Variants in FANCM observed in about 807,000 individuals in gnomAD.
The protein encoded by FANCM is Fanconi anemia group M protein.
In FANCM, 140 loss-of-function variants were observed where a neutral mutation model predicts 199.5. The ratio of observed to expected loss-of-function variants is 0.70; its 90% CI spans 0.61 to 0.81. The LOEUF is 0.81. FANCM is among the 30% of genes least tolerant of loss of function. The pLI is 0.00. For synonymous variants in FANCM, 840 were observed against 836.8 expected (o/e 1.00, Z -0.07); for missense variants, 2,410 against 2,421.4 (o/e 1.00, Z 0.10).
intron 6 of FANCM, 109 bp from the exon 7 acceptor site, chr14:45,154,588 C>CATGAA: frequency 2.6e-6 from 2 of 770,920 alleles, no homozygotes; most frequent in East Asian, 5.8e-5. Context: ...TTCATGTTTA[C>CATGAA]ACTTGAAAAA....
At chr14:45,141,305 A>AAAAG (rs1373585473) in intron 3 of FANCM, among the ~76,000 whole-genome samples, 2 of 150,980 alleles carry the variant, frequency 1.3e-5, no homozygotes, top group Non-Finnish European at 3.0e-5. Flanking sequence ...AAAAAAAAAA[A>AAAAG]AAAGAAAGCA....
Position 45,187,817 on chromosome 14 carries a change from G to C in FANCM, c.4709G>C (p.Arg1570Pro). 2 of 1,582,114 alleles carry C rather than the reference G, an allele frequency of 1.3e-6. No individual in the cohort carries two copies. Among genetic ancestry groups the C allele is most frequent in the South Asian group, 1.1e-5 (1 of 90,272 alleles). The change falls in exon 19 of 23, where the codon CGT (arginine) becomes CCT (proline). Residue 1570 changes from arginine (R) to proline (P), a missense_variant. Physicochemically the swap from Arg to Pro is moderately radical, Grantham distance 103 (BLOSUM62 -2). Coordinates refer to ENST00000267430, the MANE Select transcript of FANCM (RefSeq NM_020937.4). ...AGAGCTATTTACATGAAATCTTTGC[G>C]TAGTCCAATGATGAACAATAAGTAC... ...EMRAIYMKSL[R>P]SPMMNNKYKM...
intron 12 of FANCM, among the ~76,000 whole-genome samples, chr14:45,172,345 A>C (rs1180516427): frequency 6.6e-6 from 1 of 152,184 alleles, no homozygotes; most frequent in African/African-American, 2.4e-5. Context: ...AATGTCTAGA[A>C]GAGTTTTTTC....
chr14:45,173,071 C>T lies in FANCM; in HGVS notation c.2177C>T (p.Thr726Ile), dbSNP rs1171394901. The change falls in exon 13 of 23, where the codon ACT (threonine) becomes ATT (isoleucine). Residue 726 changes from threonine to isoleucine, a missense_variant. Coordinates refer to ENST00000267430, the MANE Select transcript of FANCM (RefSeq NM_020937.4). Reference protein sequence around the residue: ...EENKPAQESTTGIHQLSLSEW... With the variant: ...EENKPAQESTIGIHQLSLSEW... The stretch of plus-strand genomic sequence containing the variant: ...ATAATTAAGGCTCAAGAATCAACCA[C>T]TGGAATTCATCAACTCTCTCTCTCT... 7.5e-6 allele frequency: 12 copies of T among 1,609,176 alleles called. No individual in the cohort carries two copies. Among genetic ancestry groups the T allele is most frequent in the Non-Finnish European group, 1.0e-5 (12 of 1,175,626 alleles).
chr14:45,187,947 G>C, intron 19 of FANCM, 60 bp downstream of exon 19: 1 of 854,964 alleles, frequency 1.2e-6, no homozygotes, highest in Non-Finnish European at 2.0e-6. Context: ...ATATGTTCCT[G>C]TTAGTGAAGC....
intron 12 of FANCM, among the ~76,000 whole-genome samples, chr14:45,171,266 C>T (rs940081483): frequency 9.9e-5 from 15 of 151,976 alleles, no homozygotes; most frequent in African/African-American, 2.9e-4. Flanking sequence ...ACCACTGCAT[C>T]TAGCTTTTTC....
rs755682941 is a variant in FANCM at position 45,189,092 on chromosome 14, T to C, written c.5070T>C (p.Val1690=). ...ATAAAAGAGAATCTAATATTGCGGTTAACCCAAGCACTGTTAAGAAGAACA... is the reference window on the plus strand; with the variant it reads ...ATAAAAGAGAATCTAATATTGCGGTCAACCCAAGCACTGTTAAGAAGAACA... ...VNDKRESNIA[V]NPSTVKKNKQ... is the part of the protein sequence containing the mutation. The change falls in exon 20 of 23, where the codon GTT becomes GTC. Residue 1690 remains valine, a synonymous_variant. Coordinates refer to ENST00000267430, the MANE Select transcript of FANCM (RefSeq NM_020937.4). 6.2e-7 allele frequency: 1 copy of C among 1,614,164 alleles called. No homozygotes were observed. The highest frequency in any genetic ancestry group is 1.7e-5 in the Admixed American group (1 of 60,026).
At chr14:45,161,781 AAAG>A (rs1887626209) in intron 9 of FANCM, among the ~76,000 whole-genome samples, 1 of 152,098 alleles carries the variant, frequency 6.6e-6, no homozygotes, top group Admixed American at 6.5e-5. Flanking sequence ...TGTCTCAAAA[AAAG>A]AAAAAAAAAT....
chr14:45,137,747 T>G (rs1885625091), intron 2 of FANCM: 1 of 161,740 alleles, frequency 6.2e-6, no homozygotes, highest in Non-Finnish European at 1.4e-5. Flanking sequence ...TTGCACTGAA[T>G]GAAGTTGACT....
intron 8 of FANCM, among the ~76,000 whole-genome samples, chr14:45,156,910 C>A: frequency 9.0e-6 from 1 of 111,232 alleles, no homozygotes; most frequent in Non-Finnish European, 1.7e-5. Flanking sequence ...GAGTGAGACT[C>A]TGTCTCAAAA....
chr14:45,194,614 T>C (rs1889958630), intron 20 of FANCM, among the ~76,000 whole-genome samples: 1 of 152,202 alleles, frequency 6.6e-6, no homozygotes, highest in African/African-American at 2.4e-5. Flanking sequence ...TGTATGATTA[T>C]GTAATAATTT....
intron 17 of FANCM, 131 bp downstream of exon 17, chr14:45,184,033 A>AT (rs1335110169): frequency 1.2e-4 from 74 of 634,744 alleles, no homozygotes; most frequent in East Asian, 7.5e-4. Context: ...ACCCATTTAG[A>AT]TTTTTTTTAC....
chr14:45,161,093 C>G (rs1351401220), intron 9 of FANCM, among the ~76,000 whole-genome samples: 1 of 152,130 alleles, frequency 6.6e-6, no homozygotes, highest in East Asian at 1.9e-4. Context: ...AGTACCCAAT[C>G]CGATCTCTGA....
At chr14:45,177,271 C>T (rs531424490) in intron 14 of FANCM, among the ~76,000 whole-genome samples, 2 of 152,122 alleles carry the variant, frequency 1.3e-5, no homozygotes, top group Non-Finnish European at 2.9e-5. Flanking sequence ...ATGTGACATA[C>T]GTATTTGAAA....
At chr14:45,181,742 T>C in intron 16 of FANCM, 37 bp downstream of exon 16, 1 of 1,321,754 alleles carries the variant, frequency 7.6e-7, no homozygotes, top group East Asian at 2.3e-5. Flanking sequence ...TAATCCAAAT[T>C]CCTTTGGAAT....
intron 12 of FANCM, among the ~76,000 whole-genome samples, chr14:45,171,691 T>TTGTGTGTGTG (rs3036344): frequency 6.8e-6 from 1 of 146,428 alleles, no homozygotes; most frequent in Non-Finnish European, 1.5e-5. Context: ...GTAGTCCATG[T>TTGTGTGTGTG]TGTGTGTGTG....
Position 45,143,428 on chromosome 14 carries a change from G to C in FANCM, c.759+2719G>C, listed in dbSNP as rs112825861. ...ACTCCTGGGCTCAAGTGATCCACCT[G>C]TCTCAGCCTCTCAAAGTGCTGGGAT... is the stretch of plus-strand genomic sequence containing the variant. On this transcript the variant is annotated intron_variant, in intron 3 of 22. Coordinates refer to ENST00000267430, the MANE Select transcript of FANCM (RefSeq NM_020937.4). 3.9e-4 allele frequency among the ~76,000 whole-genome samples: 59 copies of C among 152,100 alleles called. 1 individual carries two copies. Among genetic ancestry groups the C allele is most frequent in the African/African-American group, 1.4e-3 (57 of 41,408 alleles).
chr14:45,137,030 T>C, intron 1 of FANCM, 39 bp from the exon 2 acceptor site: 1 of 1,466,112 alleles, frequency 6.8e-7, no homozygotes, highest in Admixed American at 1.7e-5. Context: ...TAGATAACAG[T>C]CTGAAGTTTA....
chr14:45,190,859 T>A (rs1173715669), intron 20 of FANCM, among the ~76,000 whole-genome samples: 1 of 152,126 alleles, frequency 6.6e-6, no homozygotes, highest in African/African-American at 2.4e-5. Flanking sequence ...ATCTATAGTA[T>A]AGAGATTAAA....
Sources: gnomAD v4.1 joint callset for allele counts (sites outside exome capture counted in the v4.1 genomes callset) on GRCh38, gnomAD v4.1.1 for gene constraint, MANE v1.5 for transcripts, NCBI Gene and HGNC (gene_info 2026-07-23, HGNC 2026-07-21) for gene names.